CADM2: variants seen among roughly 807,000 people sequenced by gnomAD.
The protein encoded by CADM2 is cell adhesion molecule 2.
CADM2 carries 12 observed loss-of-function variants against 49.8 expected under a neutral mutation model. The observed-to-expected ratio is 0.24, with a 90% CI of 0.15 to 0.39. The LOEUF is 0.39. Among genes scored for constraint, CADM2 ranks in the 10% least tolerant of loss-of-function variants. The probability of loss-of-function intolerance (pLI) is 1.00; values close to 1 mark genes in which losing one functional copy is unlikely to be tolerated. For missense variants in CADM2, 378 were observed against 492.3 expected, an observed-to-expected ratio of 0.77 and a Z score of 2.20; for synonymous variants, 214 against 175.4, an observed-to-expected ratio of 1.22 and a Z score of -1.74.
chr3:86,034,913 C>T (rs1054241148), intron 8 of CADM2, among the ~76,000 whole-genome samples: 3 of 151,838 alleles, frequency 2.0e-5, no homozygotes, highest in Non-Finnish European at 4.4e-5. Context: ...TTCTCTCCAC[C>T]CCTACTTCTG....
At chr3:85,455,861 T>C (rs2037967622) in intron 1 of CADM2, among the ~76,000 whole-genome samples, 1 of 152,148 alleles carries the variant, frequency 6.6e-6, no homozygotes. Flanking sequence ...GTGTGTGTAT[T>C]TAAAAGACAT....
chr3:85,221,927 T>C (rs1454259428), intron 1 of CADM2, among the ~76,000 whole-genome samples: 1 of 152,054 alleles, frequency 6.6e-6, no homozygotes, highest in Non-Finnish European at 1.5e-5. Flanking sequence ...AAGCAAAATA[T>C]AGCATCCTAG....
chr3:85,384,298 T>C (rs917517543), intron 1 of CADM2, among the ~76,000 whole-genome samples: 2 of 152,174 alleles, frequency 1.3e-5, no homozygotes, highest in African/African-American at 4.8e-5. Context: ...TGTTAAATTT[T>C]TCTTTTTTTT....
At chr3:85,907,181 C>T (rs200177148) in intron 5 of CADM2, among the ~76,000 whole-genome samples, 1 of 152,250 alleles carries the variant, frequency 6.6e-6, no homozygotes, top group East Asian at 1.9e-4. Flanking sequence ...GAATCTAGCT[C>T]ACTGGTTATG....
In CADM2 at chr3:85,961,511, A is replaced by G. The variant is rs1260717316; in HGVS notation, c.834A>G (p.Pro278=). The part of the protein sequence containing the change: ...VLWTKDGGEL[P]DPDRMVVSGR... ...GGACAAAGGATGGCGGAGAATTACC[A>G]GATCCTGACCGAATGGTTGTGAGTG... Residue 278 remains proline (P), a synonymous_variant, in exon 8 of 10, where the codon CCA becomes CCG. Coordinates refer to ENST00000383699, the MANE Select transcript of CADM2 (RefSeq NM_001167675.2). The G allele has an allele frequency of 4.9e-5, 79 of 1,607,074 alleles. No homozygotes were observed. Among genetic ancestry groups the G allele is most frequent in the Non-Finnish European group, 6.6e-5 (78 of 1,175,080 alleles).
At chr3:85,428,357 T>C (rs1052848712) in intron 1 of CADM2, among the ~76,000 whole-genome samples, 18 of 146,200 alleles carry the variant, frequency 1.2e-4, no homozygotes, top group African/African-American at 4.2e-4. Flanking sequence ...TATATTCATA[T>C]ATATTATATA....
At chr3:85,899,906 G>A (rs1715868916) in intron 5 of CADM2, among the ~76,000 whole-genome samples, 1 of 152,000 alleles carries the variant, frequency 6.6e-6, no homozygotes, top group African/African-American at 2.4e-5. Context: ...GAATACTGGG[G>A]GGAGCACTAT....
At chr3:85,889,587 C>T (rs1360583248) in intron 5 of CADM2, among the ~76,000 whole-genome samples, 1 of 152,120 alleles carries the variant, frequency 6.6e-6, no homozygotes, top group African/African-American at 2.4e-5. Context: ...TTCTTTTTCT[C>T]CTTTGCTAAA....
chr3:85,497,020 T>C (rs2039933809), intron 1 of CADM2, among the ~76,000 whole-genome samples: 1 of 96,888 alleles, frequency 1.0e-5, no homozygotes, highest in Non-Finnish European at 2.4e-5. Flanking sequence ...ATTTTTGTAT[T>C]TTTAGTAGAG....
chr3:85,449,607 C>T (rs1278657520), intron 1 of CADM2, among the ~76,000 whole-genome samples: 2 of 150,678 alleles, frequency 1.3e-5, no homozygotes, highest in Non-Finnish European at 3.0e-5. Context: ...TAAAGTAGTA[C>T]TAAAACAAGC....
intron 1 of CADM2, among the ~76,000 whole-genome samples, chr3:85,676,343 T>C (rs913886769): frequency 1.3e-5 from 2 of 152,204 alleles, no homozygotes; most frequent in African/African-American, 2.4e-5. Flanking sequence ...GCATAAAATA[T>C]CTGCCTTGCT....
At chr3:85,733,139 TC>T (rs2068002718) in intron 2 of CADM2, among the ~76,000 whole-genome samples, 1 of 152,186 alleles carries the variant, frequency 6.6e-6, no homozygotes, top group South Asian at 2.1e-4. Context: ...TCTAGGTCTG[TC>T]ATTCACTTAC....
intron 3 of CADM2, among the ~76,000 whole-genome samples, chr3:85,860,927 A>T (rs1230887797): frequency 6.6e-6 from 1 of 152,172 alleles, no homozygotes; most frequent in Non-Finnish European, 1.5e-5. Flanking sequence ...AGCTTCTGTC[A>T]TCTAGGAACA....
At chr3:85,623,873 C>T (rs1473894858) in intron 1 of CADM2, among the ~76,000 whole-genome samples, 1 of 151,764 alleles carries the variant, frequency 6.6e-6, no homozygotes. Flanking sequence ...TATTCCAAGA[C>T]AAGTAATTAT....
chr3:85,180,731 A>G (rs2040913986), intron 1 of CADM2, among the ~76,000 whole-genome samples: 1 of 152,160 alleles, frequency 6.6e-6, no homozygotes, highest in Non-Finnish European at 1.5e-5. Flanking sequence ...ATAGGAATGG[A>G]TAAATGAATG....
chr3:85,195,536 C>T (rs1397142761), intron 1 of CADM2, among the ~76,000 whole-genome samples: 2 of 123,336 alleles, frequency 1.6e-5, no homozygotes, highest in Admixed American at 9.3e-5. Flanking sequence ...CCATGAAAAC[C>T]AGCAAGACAC....
At chr3:85,419,082 AT>A (rs1243804646) in intron 1 of CADM2, among the ~76,000 whole-genome samples, 1 of 152,126 alleles carries the variant, frequency 6.6e-6, no homozygotes, top group African/African-American at 2.4e-5. Flanking sequence ...GAAGATTCAT[AT>A]TTCCACATTG....
At chr3:85,374,686 A>G (rs1039619832) in intron 1 of CADM2, among the ~76,000 whole-genome samples, 1 of 152,174 alleles carries the variant, frequency 6.6e-6, no homozygotes, top group African/African-American at 2.4e-5. Flanking sequence ...TCATGGTGGA[A>G]GGCAAGGGAG....
intron 1 of CADM2, among the ~76,000 whole-genome samples, chr3:85,578,856 C>T (rs1014366419): frequency 2.6e-5 from 4 of 152,032 alleles, no homozygotes; most frequent in African/African-American, 9.7e-5. Flanking sequence ...ATTATAAAGT[C>T]GAGTCATTCA....
Sources: allele counts gnomAD v4.1 joint callset (sites outside exome capture counted in the v4.1 genomes callset), GRCh38; gene constraint gnomAD v4.1.1; transcripts MANE v1.5; gene names NCBI Gene and HGNC (gene_info 2026-07-23, HGNC 2026-07-21).